Variants in AFM observed in about 807,000 individuals in gnomAD.
AFM encodes the protein alpha-Alb.
Under a neutral mutation model 68.7 loss-of-function variants are expected in AFM, and 82 were observed. The observed-to-expected ratio is 1.19, with a 90% CI of 1.00 to 1.43. AFM has a LOEUF of 1.43. Ranked by LOEUF, AFM falls within the 40% of genes most tolerant of loss-of-function variation. The pLI is 0.00. For synonymous variants in AFM, 250 were observed against 234.2 expected, an observed-to-expected ratio of 1.07 and a Z score of -0.61; for missense variants, 772 against 701.8, an observed-to-expected ratio of 1.10 and a Z score of -1.13.
intron 7 of AFM, among the ~76,000 whole-genome samples, chr4:73,490,377 A>G (rs1721037664): frequency 6.6e-6 from 1 of 151,886 alleles, no homozygotes; most frequent in Non-Finnish European, 1.5e-5. Context: ...TTTGCGATTT[A>G]TTTTTGTATT....
At chr4:73,493,736 A>T (rs1458418275) in intron 8 of AFM, among the ~76,000 whole-genome samples, 1 of 152,212 alleles carries the variant, frequency 6.6e-6, no homozygotes, top group Non-Finnish European at 1.5e-5. Context: ...CCAAACTCCT[A>T]GTCTTATAAC....
chr4:73,485,898 G>A lies in AFM; in HGVS notation c.307G>A (p.Gly103Arg), dbSNP rs1422988022. 1 of 1,613,852 alleles carries A rather than the reference G, an allele frequency of 6.2e-7. No homozygotes were observed. The highest frequency in any genetic ancestry group is 1.3e-5 in the African/African-American group (1 of 74,868). ...ACAGGAAAAAATATGTGCTATGGAG[G>A]GGCTGCCACAAAAGCATAATTTCTC... ...VLQEKICAMEGLPQKHNFSHC... is the reference protein window; with the variant it reads ...VLQEKICAMERLPQKHNFSHC... The change falls in exon 4 of 15, where the codon GGG becomes AGG. Residue 103 changes from glycine (G) to arginine (R), a missense_variant. Transcript: ENST00000226355.
intron 2 of AFM, 84 bp from the exon 3 acceptor site, chr4:73,484,174 G>T: frequency 1.3e-6 from 2 of 1,495,136 alleles, no homozygotes; most frequent in East Asian, 2.4e-5. Context: ...CCTGAGGCTA[G>T]TCAGGATGTT....
At position 73,485,997 on chromosome 4, in the gene AFM, C is replaced by T. The variant is rs770032414; in HGVS notation, c.406C>T (p.Leu136=). ...FYNKKSDVGF[L]PPFPTLDPEE... ...TAACAAGAAATCTGATGTGGGATTT[C>T]TGCCTCCTTTCCCTACCCTGGATCC... The change falls in exon 4 of 15, where the codon CTG becomes TTG. Residue 136 remains leucine (L), a synonymous_variant. Transcript: ENST00000226355. 6.2e-7 allele frequency: 1 copy of T among 1,614,060 alleles called. No individual in the cohort carries two copies. Among genetic ancestry groups the T allele is most frequent in the Admixed American group, 1.7e-5 (1 of 60,012 alleles).
At position 73,484,386 on chromosome 4, in the gene AFM, T is replaced by A; in HGVS notation, c.266T>A (p.Leu89Ter). ...ADKTLPECSK[L>*]PNNVLQEKIC... ...AAGACGCTCCCAGAGTGTTCAAAAT[T>A]ACCTGTAAGTAAATTGCTTGTGTTT... Residue 89 changes from leucine (L) to a stop codon, truncating the protein, a stop_gained, in exon 3 of 15, where the codon TTA becomes TAA. Coordinates refer to ENST00000226355, the MANE Select transcript of AFM (RefSeq NM_001133.2). LOFTEE classifies it high-confidence loss of function. The A allele has an allele frequency of 6.4e-7, 1 of 1,557,912 alleles. No individual in the cohort carries two copies. Among genetic ancestry groups the A allele is most frequent in the South Asian group, 1.3e-5 (1 of 79,698 alleles).
rs1228993524 is a variant in AFM, at chr4:73,499,064, A to G, written c.1290-50A>G. ...TGGGCTTCAGCAGTAATTCAAGGGAAAATGGGTATCTGCTTTCATTCAGAA... is the reference window on the plus strand; with the variant it reads ...TGGGCTTCAGCAGTAATTCAAGGGAGAATGGGTATCTGCTTTCATTCAGAA... On this transcript the variant is annotated intron_variant, in intron 10 of 14. Coordinates refer to ENST00000226355, the MANE Select transcript of AFM (RefSeq NM_001133.2). The G allele has an allele frequency of 3.2e-6, 5 of 1,580,928 alleles. 1 individual carries two copies. The South Asian group carries it at 5.8e-5, about 18-fold the overall frequency.
Position 73,500,128 on chromosome 4 carries a change from A to AT in AFM, c.1548dup (p.Lys517Ter). Reference sequence around the variant, plus strand: ...CCCTGCTTTGAGAGTTTGAAAGCTGATAAAACATATGTGCCTCCACCTTTC... The same window carrying AT: ...CCCTGCTTTGAGAGTTTGAAAGCTGATTAAAACATATGTGCCTCCACCTTTC... On this transcript the variant is annotated frameshift_variant, in exon 12 of 15. Coordinates refer to ENST00000226355, the MANE Select transcript of AFM (RefSeq NM_001133.2). LOFTEE classifies it high-confidence loss of function. 6.2e-7 allele frequency: 1 copy of AT among 1,614,066 alleles called. No individual in the cohort carries two copies.
intron 12 of AFM, 79 bp downstream of exon 12, chr4:73,500,306 G>C: frequency 1.6e-6 from 2 of 1,238,002 alleles, no homozygotes; most frequent in Non-Finnish European, 2.3e-6. Context: ...TTATCTAGTG[G>C]ATATGTCTTT....
chr4:73,492,606 C>G (rs1423899806), intron 8 of AFM, among the ~76,000 whole-genome samples: 1 of 149,462 alleles, frequency 6.7e-6, no homozygotes, highest in Non-Finnish European at 1.5e-5. Flanking sequence ...GTTGCTGGGA[C>G]AAGTTAACCT....
chr4:73,501,810 T>G lies in AFM; in HGVS notation c.1670T>G (p.Leu557Arg). 1 of 1,613,196 alleles carries G rather than the reference T, an allele frequency of 6.2e-7. No individual in the cohort carries two copies. Among genetic ancestry groups the G allele is most frequent in the Non-Finnish European group, 8.5e-7 (1 of 1,179,544 alleles). ...TDRFLVNLVK[L>R]KHELTDEELQ... The stretch of plus-strand genomic sequence containing the variant: ...AGGTTTCTTGTCAACTTAGTGAAGC[T>G]GAAGCATGAACTCACAGATGAAGAG... Residue 557 changes from leucine to arginine, a missense_variant, in exon 13 of 15, where the codon CTG (leucine) becomes CGG (arginine). Transcript: ENST00000226355.
In AFM at chr4:73,495,425, G is replaced by A. The variant is rs41265665; in HGVS notation, c.1184G>A (p.Arg395His). The A allele has an allele frequency of 0.026, 42,385 of 1,609,348 alleles. 812 individuals are homozygous for A. The highest frequency in any genetic ancestry group is 0.065 in the Middle Eastern group (396 of 6,048). Residue 395 changes from arginine (R) to histidine (H), a missense_variant, in exon 9 of 15, where the codon CGT becomes CAT. Arg to His is a conservative substitution (Grantham distance 29). Coordinates refer to ENST00000226355, the MANE Select transcript of AFM (RefSeq NM_001133.2). ...CNTENPPGCYRYAEDKFNETT... is the reference protein window; with the variant it reads ...CNTENPPGCYHYAEDKFNETT... The stretch of plus-strand genomic sequence containing the variant: ...ACAGAAAACCCTCCAGGTTGTTACC[G>A]TTACGCGGTAGGTTCCATTGTTGTA...
rs1720941432 is a variant in AFM, at chr4:73,487,738, A to C, written c.630A>C (p.Thr210=). The change falls in exon 6 of 15, where the codon ACA becomes ACC. Residue 210 remains threonine, a synonymous_variant. Coordinates refer to ENST00000226355, the MANE Select transcript of AFM (RefSeq NM_001133.2). ...NCLQTRAIPV[T]QYLKAFSSYQ... is the part of the protein sequence containing the mutation. ...TTCTTCTTCAGGCAATACCTGTCAC[A>C]CAATATTTAAAAGCATTTTCTTCTT... is the stretch of plus-strand genomic sequence containing the variant. 5 of 1,611,482 alleles carry C rather than the reference A, an allele frequency of 3.1e-6. No individual in the cohort carries two copies. The highest frequency in any genetic ancestry group is 4.2e-6 in the Non-Finnish European group (5 of 1,178,038).
intron 12 of AFM, among the ~76,000 whole-genome samples, chr4:73,500,873 C>G (rs1017372845): frequency 3.3e-5 from 5 of 152,114 alleles, no homozygotes; most frequent in Non-Finnish European, 7.4e-5. Context: ...GCAATACACT[C>G]TTGTATTTTC....
chr4:73,487,008 C>T lies in AFM; in HGVS notation c.524C>T (p.Ala175Val), dbSNP rs1720919016. 1.9e-6 allele frequency: 3 copies of T among 1,613,700 alleles called. No individual in the cohort carries two copies. The highest frequency in any genetic ancestry group is 1.7e-5 in the Admixed American group (1 of 59,982). The change falls in exon 5 of 15, where the codon GCC becomes GTC. Residue 175 changes from alanine to valine, a missense_variant. Transcript: ENST00000226355. ...EVARRNPFVF[A>V]PTLLTVAVHF... ...GCCAGAAGGAACCCATTTGTCTTCG[C>T]CCCTACACTTCTAACTGTTGCTGTT... is the stretch of plus-strand genomic sequence containing the variant.
intron 12 of AFM, 82 bp from the exon 13 acceptor site, chr4:73,501,705 G>A: frequency 6.8e-7 from 1 of 1,463,060 alleles, no homozygotes; most frequent in Non-Finnish European, 9.2e-7. Context: ...CTCAAGACGT[G>A]ATTCTGTAAC....
intron 3 of AFM, 89 bp downstream of exon 3, chr4:73,484,479 TTTCTTTCTTTCTTTCTTTCTTTCTTTCA>T (rs1720821749): frequency 1.5e-6 from 1 of 657,234 alleles, no homozygotes; most frequent in East Asian, 3.3e-5. Flanking sequence ...TCTTTCTTTC[TTTCTTTCTTTCTTTCTTTCTTTCTTTCA>T]TTCTTTCTTT....
intron 8 of AFM, among the ~76,000 whole-genome samples, chr4:73,493,352 C>T (rs2149345172): frequency 6.6e-6 from 1 of 152,184 alleles, no homozygotes; most frequent in South Asian, 2.1e-4. Context: ...GGTAGTTTTC[C>T]CATTCAATGT....
intron 3 of AFM, among the ~76,000 whole-genome samples, chr4:73,485,627 GAA>G (rs1209514048): frequency 7.2e-6 from 1 of 139,010 alleles, no homozygotes; most frequent in Non-Finnish European, 1.5e-5. Context: ...AGAAGAAGAA[GAA>G]AAAGAAGAGG....
chr4:73,495,430 G>A lies in AFM; in HGVS notation c.1189G>A (p.Ala397Thr), dbSNP rs372542885. The A allele has an allele frequency of 1.8e-4, 291 of 1,608,304 alleles. No individual in the cohort carries two copies. Among genetic ancestry groups the A allele is most frequent in the Non-Finnish European group, 2.3e-4 (272 of 1,178,642 alleles). Residue 397 changes from alanine (A) to threonine (T), a missense_variant and splice_region_variant, in exon 9 of 15, where the codon GCG becomes ACG. By Grantham distance (58) the Ala-to-Thr change is moderately conservative. Coordinates refer to ENST00000226355, the MANE Select transcript of AFM (RefSeq NM_001133.2). ...AAACCCTCCAGGTTGTTACCGTTAC[G>A]CGGTAGGTTCCATTGTTGTAGGTTC... ...TENPPGCYRYAEDKFNETTEK... is the reference protein window; with the variant it reads ...TENPPGCYRYTEDKFNETTEK...
Sources: gnomAD v4.1 joint callset for allele counts (sites outside exome capture counted in the v4.1 genomes callset) on GRCh38, gnomAD v4.1.1 for gene constraint, MANE v1.5 for transcripts, NCBI Gene and HGNC (gene_info 2026-07-23, HGNC 2026-07-21) for gene names.